RRP1B: variants seen among roughly 807,000 people sequenced by gnomAD.
RRP1B encodes the protein ribosomal RNA processing protein 1 homolog B.
RRP1B carries 56 observed loss-of-function variants against 80.2 expected under a neutral mutation model. That is an observed-to-expected ratio of 0.70 (90% confidence interval 0.56 to 0.87). The LOEUF (loss-of-function observed/expected upper bound fraction) is 0.87, where lower values mean the gene tolerates loss of function less well. RRP1B is among the 40% of genes least tolerant of loss of function. The pLI is 0.00. For synonymous variants in RRP1B, 351 were observed against 357.6 expected (o/e 0.98, Z 0.21); for missense variants, 807 against 939.8 (o/e 0.86, Z 1.85).
At position 43,693,428 on chromosome 21, in the gene RRP1B, C is replaced by T. The variant is rs753184888; in HGVS notation, c.*45C>T. 1.1e-5 allele frequency: 16 copies of T among 1,452,690 alleles called. No homozygotes were observed. The highest frequency in any genetic ancestry group is 4.3e-5 in the African/African-American group (3 of 69,106). The allele number at this position is 1,452,690 out of a possible 1,614,324, so 90.0% of individuals were successfully genotyped here. On this transcript the variant is annotated 3_prime_UTR_variant, in exon 16 of 16. Transcript: ENST00000340648. The surrounding 1 kb of genome is among the most constrained non-coding windows in gnomAD (Gnocchi z 4.1). ...TAAAAGACTGCTTTTGTACAGAATGCGCTATAAATTATACCTTTAAGAATG... is the reference window on the plus strand; with the variant it reads ...TAAAAGACTGCTTTTGTACAGAATGTGCTATAAATTATACCTTTAAGAATG...
Position 43,670,070 on chromosome 21 carries a change from G to A in RRP1B, c.213+104G>A, listed in dbSNP as rs1023973261. The stretch of plus-strand genomic sequence containing the variant: ...GTCCCCCGATACACTGACGCACACT[G>A]ACAGTCATGCTTCAAGGAGTCATTT... On this transcript the variant is annotated intron_variant, in intron 2 of 15. Transcript: ENST00000340648. 5.7e-6 allele frequency: 4 copies of A among 699,060 alleles called. No homozygotes were observed. The African/African-American group carries it at 7.1e-5, about 12-fold the overall frequency. The allele number at this position is 699,060 out of a possible 1,614,324, so 43.3% of individuals were successfully genotyped here. A position where few individuals can be genotyped will look rare whatever the true frequency, so the allele number is the denominator to read the frequency against.
rs377192517 is a variant in RRP1B at position 43,693,252 on chromosome 21, G to A, written c.2146G>A (p.Asp716Asn). The change falls in exon 16 of 16, where the codon GAC becomes AAC. Residue 716 changes from aspartate to asparagine, a missense_variant. Asp to Asn is a conservative substitution (Grantham distance 23). Coordinates refer to ENST00000340648, the MANE Select transcript of RRP1B (RefSeq NM_015056.3). This position sits in a 1 kb window ranked among gnomAD's most constrained non-coding sequence, Gnocchi z 4.1. Reference protein sequence around the residue: ...SPTGPSRVAFDPEQKPLHGVL... With the variant: ...SPTGPSRVAFNPEQKPLHGVL... ...CACGGGCCCTTCTCGAGTGGCCTTC[G>A]ACCCTGAACAGAAGCCCCTCCACGG... is the stretch of plus-strand genomic sequence containing the variant. 4.6e-5 allele frequency: 74 copies of A among 1,613,816 alleles called. 1 individual carries two copies. Among genetic ancestry groups the A allele is most frequent in the African/African-American group, 1.2e-4 (9 of 74,832 alleles).
chr21:43,686,571 G>A, intron 11 of RRP1B: 1 of 466,884 alleles, frequency 2.1e-6, no homozygotes, highest in Non-Finnish European at 3.9e-6. Context: ...CCGGGGTCCA[G>A]CCATGGAGGG....
intron 2 of RRP1B, among the ~76,000 whole-genome samples, chr21:43,671,064 G>A (rs1293154062): frequency 6.6e-6 from 1 of 152,204 alleles, no homozygotes; most frequent in Non-Finnish European, 1.5e-5. Context: ...AAGGAAAACA[G>A]ACCGGGTGTG....
chr21:43,687,398 T>A, intron 12 of RRP1B, 118 bp from the exon 13 acceptor site: 1 of 1,236,954 alleles, frequency 8.1e-7, no homozygotes, highest in Non-Finnish European at 1.1e-6. Context: ...AGACAGGAAC[T>A]TTCCTCGTGG....
Position 43,691,558 on chromosome 21 carries a change from C to T in RRP1B, c.2083+56C>T, listed in dbSNP as rs1475704818. The T allele has an allele frequency of 9.8e-6, 15 of 1,525,560 alleles. No individual in the cohort carries two copies. Among genetic ancestry groups the T allele is most frequent in the African/African-American group, 1.4e-5 (1 of 73,100 alleles). The allele number at this position is 1,525,560 out of a possible 1,614,324, so 94.5% of individuals were successfully genotyped here. ...TCTGGAGCACAGCTGCAGCTCCTGG[C>T]GCGGCTCGCAGCCTGGTTCCACAAG... On this transcript the variant is annotated intron_variant, in intron 15 of 15. Coordinates refer to ENST00000340648, the MANE Select transcript of RRP1B (RefSeq NM_015056.3). The surrounding 1 kb of genome is among the most constrained non-coding windows in gnomAD (Gnocchi z 4.2).
intron 2 of RRP1B, among the ~76,000 whole-genome samples, chr21:43,671,371 T>TC (rs1456514400): frequency 6.6e-6 from 1 of 150,744 alleles, no homozygotes; most frequent in African/African-American, 2.4e-5. Flanking sequence ...AGTTTTCTTT[T>TC]TTTTTTTTTT....
chr21:43,674,050 A>G (rs1004772184), intron 4 of RRP1B, 95 bp downstream of exon 4: 5 of 900,998 alleles, frequency 5.5e-6, no homozygotes, highest in Admixed American at 2.4e-5. Flanking sequence ...GAAGCAAAAC[A>G]AGCCACAGGC....
intron 13 of RRP1B, among the ~76,000 whole-genome samples, chr21:43,688,665 A>G (rs1224890098): frequency 6.6e-6 from 1 of 152,110 alleles, no homozygotes; most frequent in Non-Finnish European, 1.5e-5. Flanking sequence ...TCTTTTCTAT[A>G]TTCTTTTCTT....
In RRP1B at chr21:43,676,253, C is replaced by T. The variant is rs752624754; in HGVS notation, c.550-19C>T. ...AGGGAAAGGCTCTTTCTCAATTTTT[C>T]CCTTTTTCTAAATTACAGCTTTTAG... On this transcript the variant is annotated intron_variant, in intron 6 of 15. Transcript: ENST00000340648. The T allele has an allele frequency of 2.5e-6, 4 of 1,579,686 alleles. No homozygotes were observed. The Admixed American group carries it at 5.3e-5, about 21-fold the overall frequency.
At chr21:43,669,047 C>G (rs1601752266) in intron 1 of RRP1B, among the ~76,000 whole-genome samples, 1 of 152,220 alleles carries the variant, frequency 6.6e-6, no homozygotes, top group South Asian at 2.1e-4. Flanking sequence ...AGAGTCAGAA[C>G]AAAGCCAACC....
rs371518255 is a variant in RRP1B at position 43,685,804 on chromosome 21, G to A, written c.1009+15G>A. On this transcript the variant is annotated intron_variant, in intron 11 of 15. Coordinates refer to ENST00000340648, the MANE Select transcript of RRP1B (RefSeq NM_015056.3). ...CCTTTCTGAAGGTGAGGCGCGCCAA[G>A]AATCATCATTCATGGTGTTTTTCGT... 1.2e-4 allele frequency: 186 copies of A among 1,591,102 alleles called. No individual in the cohort carries two copies. The highest frequency in any genetic ancestry group is 1.5e-4 in the Non-Finnish European group (177 of 1,168,326).
chr21:43,667,547 G>A (rs1362641264), intron 1 of RRP1B, among the ~76,000 whole-genome samples: 22 of 152,224 alleles, frequency 1.4e-4, no homozygotes, highest in Admixed American at 6.5e-5. Context: ...GAGCCGCCAC[G>A]CCTGGGTGAT....
At chr21:43,688,484 C>T (rs1243531400) in intron 13 of RRP1B, among the ~76,000 whole-genome samples, 1 of 152,192 alleles carries the variant, frequency 6.6e-6, no homozygotes, top group African/African-American at 2.4e-5. Context: ...TCGGGAGGGC[C>T]CACTCCAAGC....
intron 1 of RRP1B, among the ~76,000 whole-genome samples, chr21:43,668,333 T>C (rs1385027290): frequency 6.6e-6 from 1 of 151,932 alleles, no homozygotes; most frequent in Non-Finnish European, 1.5e-5. Flanking sequence ...TAAACAAACT[T>C]TGGTCCATTA....
rs749138145 is a variant in RRP1B at position 43,687,874 on chromosome 21, T to C, written c.1500T>C (p.Ser500=). Residue 500 remains serine (S), a synonymous_variant, in exon 13 of 16, where the codon AGT becomes AGC. Coordinates refer to ENST00000340648, the MANE Select transcript of RRP1B (RefSeq NM_015056.3). ...AVLPPEDMSQ[S]GPSGSHPQGP... is the part of the protein sequence containing the mutation. The stretch of plus-strand genomic sequence containing the variant: ...TGCCCCCAGAGGACATGTCTCAGAG[T>C]GGCCCGAGTGGCAGTCATCCTCAGG... 6.2e-7 allele frequency: 1 copy of C among 1,613,230 alleles called. No individual in the cohort carries two copies. Among genetic ancestry groups the C allele is most frequent in the Non-Finnish European group, 8.5e-7 (1 of 1,180,020 alleles).
intron 1 of RRP1B, among the ~76,000 whole-genome samples, chr21:43,666,631 T>A (rs1247811302): frequency 6.7e-6 from 1 of 149,044 alleles, no homozygotes; most frequent in Non-Finnish European, 1.5e-5. Context: ...GGCAGGAGAA[T>A]CGCTTGAACC....
chr21:43,681,563 G>A (rs1223517597), intron 8 of RRP1B, among the ~76,000 whole-genome samples: 1 of 152,220 alleles, frequency 6.6e-6, no homozygotes, highest in Non-Finnish European at 1.5e-5. Context: ...TCGAACTCCC[G>A]ACCTCAGTTG....
At chr21:43,676,690 G>A (rs199504118) in intron 7 of RRP1B, 43 bp from the exon 8 acceptor site, 214 of 1,571,972 alleles carry the variant, frequency 1.4e-4, no homozygotes, top group Non-Finnish European at 1.7e-4. Context: ...AGGCCAGGCC[G>A]TTTGTTCTCA....
Sources: gnomAD v4.1 joint callset for allele counts (sites outside exome capture counted in the v4.1 genomes callset) on GRCh38, gnomAD v4.1.1 for gene constraint, Gnocchi (gnomAD v3.1) non-coding constraint, MANE v1.5 for transcripts, NCBI Gene and HGNC (gene_info 2026-07-23, HGNC 2026-07-21) for gene names.